DSCAM: variants seen among roughly 807,000 people sequenced by gnomAD.
The protein encoded by DSCAM is cell adhesion molecule DSCAM.
Under a neutral mutation model 217.7 loss-of-function variants are expected in DSCAM, and 47 were observed. The observed-to-expected ratio is 0.22, with a 90% CI of 0.17 to 0.28. The LOEUF is 0.28. Ranked by LOEUF, DSCAM falls within the 10% of genes least tolerant of loss-of-function variation. DSCAM has a pLI of 1.00. For synonymous variants in DSCAM, 1,056 were observed against 1,015.3 expected (o/e 1.04, Z -0.76); for missense variants, 2,080 against 2,618.3 (o/e 0.79, Z 4.49).
At chr21:40,622,100 T>C (rs532815598) in intron 3 of DSCAM, among the ~76,000 whole-genome samples, 2 of 152,314 alleles carry the variant, frequency 1.3e-5, no homozygotes, top group African/African-American at 4.8e-5. Flanking sequence ...ACTCAGTTGA[T>C]GCATTGCTAT....
intron 3 of DSCAM, among the ~76,000 whole-genome samples, chr21:40,501,561 A>G (rs1685311999): frequency 6.6e-6 from 1 of 152,166 alleles, no homozygotes; most frequent in African/African-American, 2.4e-5. Flanking sequence ...TCTCATGAGA[A>G]TAAATTTTTA....
At chr21:40,181,299 C>T (rs577913134) in intron 14 of DSCAM, among the ~76,000 whole-genome samples, 22 of 152,210 alleles carry the variant, frequency 1.4e-4, no homozygotes, top group Non-Finnish European at 2.8e-4. Context: ...CTTCTGTGGC[C>T]CCAAATCTGT....
At chr21:40,693,460 C>T (rs2090562110) in intron 2 of DSCAM, among the ~76,000 whole-genome samples, 2 of 151,872 alleles carry the variant, frequency 1.3e-5, no homozygotes, top group Admixed American at 6.6e-5. Flanking sequence ...AGAGTATAAT[C>T]GAAAATAGTT....
chr21:40,288,269 T>C (rs1268648895), intron 10 of DSCAM, among the ~76,000 whole-genome samples: 1 of 152,148 alleles, frequency 6.6e-6, no homozygotes, highest in Non-Finnish European at 1.5e-5. Flanking sequence ...TTAATGTTCA[T>C]AAAAGAAAAA....
chr21:40,338,550 C>A (rs374649793), intron 7 of DSCAM, among the ~76,000 whole-genome samples, 174 bp from the exon 8 acceptor site: 1 of 152,176 alleles, frequency 6.6e-6, no homozygotes, highest in East Asian at 1.9e-4. Flanking sequence ...TTTTTCTTTC[C>A]TTTTCTTAAA....
chr21:40,816,300 T>G (rs903268527), intron 1 of DSCAM, among the ~76,000 whole-genome samples: 1 of 152,178 alleles, frequency 6.6e-6, no homozygotes, highest in African/African-American at 2.4e-5. Context: ...GGATGCTAGA[T>G]GCCCTTCCTA....
chr21:40,349,759 A>G (rs2074608524), intron 5 of DSCAM, among the ~76,000 whole-genome samples: 1 of 152,224 alleles, frequency 6.6e-6, no homozygotes, highest in Non-Finnish European at 1.5e-5. Flanking sequence ...CTACAGTTAC[A>G]GATTTTTAAA....
At chr21:40,302,219 T>C (rs1390181212) in intron 9 of DSCAM, among the ~76,000 whole-genome samples, 5 of 152,156 alleles carry the variant, frequency 3.3e-5, no homozygotes, top group African/African-American at 1.2e-4. Flanking sequence ...CCAAATCTCA[T>C]CTTGAATTGT....
At chr21:40,401,578 G>A (rs994589574) in intron 3 of DSCAM, among the ~76,000 whole-genome samples, 2 of 152,286 alleles carry the variant, frequency 1.3e-5, no homozygotes, top group Middle Eastern at 3.4e-3. Context: ...AAGTAGTTTT[G>A]ACCTTGCAAA....
intron 14 of DSCAM, among the ~76,000 whole-genome samples, chr21:40,180,442 G>A (rs1568985209): frequency 6.6e-6 from 1 of 152,128 alleles, no homozygotes; most frequent in African/African-American, 2.4e-5. Context: ...ATTAGAGGTG[G>A]AAAAACATGA....
rs115857694 is a variant in DSCAM, at chr21:40,141,186, C to T, written c.3406+1372G>A. Among the ~76,000 whole-genome samples the T allele has an allele frequency of 8.4e-3, 1,287 of 152,312 alleles. 16 individuals are homozygous for T. The highest frequency in any genetic ancestry group is 0.03 in the African/African-American group (1,232 of 41,566). ...GCCACCTGTGGAGCCCTATGTTTAC[C>T]TGCATGGGGACAGGGGTCTGCCTGG... On this transcript the variant is annotated intron_variant, in intron 18 of 32. Coordinates refer to ENST00000400454, the MANE Select transcript of DSCAM (RefSeq NM_001389.5).
chr21:40,233,067 C>T (rs753423248), intron 11 of DSCAM, among the ~76,000 whole-genome samples: 1 of 151,924 alleles, frequency 6.6e-6, no homozygotes, highest in African/African-American at 2.4e-5. Context: ...GAAAAAACAC[C>T]TATTGGGTAT....
At chr21:40,584,789 C>A (rs458216) in intron 3 of DSCAM, among the ~76,000 whole-genome samples, 21,810 of 152,166 alleles carry the variant, frequency 0.14, 1,645 homozygotes, top group African/African-American at 0.17. Flanking sequence ...GATTCTGATG[C>A]TCCACAGATA....
intron 3 of DSCAM, among the ~76,000 whole-genome samples, chr21:40,431,488 G>A (rs1035691023): frequency 3.3e-5 from 5 of 151,952 alleles, no homozygotes; most frequent in Admixed American, 6.5e-5. Flanking sequence ...ATGTGAAGAC[G>A]ATGAAGACGG....
intron 1 of DSCAM, among the ~76,000 whole-genome samples, chr21:40,796,470 A>C (rs2091693050): frequency 6.6e-6 from 1 of 152,252 alleles, no homozygotes; most frequent in African/African-American, 2.4e-5. Context: ...GCACTACACA[A>C]AGCTTAGCAA....
At chr21:40,714,734 T>C (rs938715783) in intron 1 of DSCAM, among the ~76,000 whole-genome samples, 1 of 152,200 alleles carries the variant, frequency 6.6e-6, no homozygotes, top group African/African-American at 2.4e-5. Flanking sequence ...TTCAAACTGA[T>C]GCTGGAATTA....
chr21:40,050,240 G>A (rs573759038), intron 30 of DSCAM, among the ~76,000 whole-genome samples: 1 of 152,334 alleles, frequency 6.6e-6, no homozygotes, highest in East Asian at 1.9e-4. Context: ...TGGAGAACGA[G>A]ACCCAGGGCA....
intron 1 of DSCAM, among the ~76,000 whole-genome samples, chr21:40,747,975 T>C (rs897827408): frequency 3.3e-5 from 5 of 151,870 alleles, no homozygotes; most frequent in South Asian, 2.1e-4. Flanking sequence ...CAAATCCATA[T>C]GATAATTTCA....
chr21:40,204,368 G>A (rs1393100333), intron 11 of DSCAM, among the ~76,000 whole-genome samples: 1 of 152,198 alleles, frequency 6.6e-6, no homozygotes, highest in African/African-American at 2.4e-5. Context: ...AGAGGGCAAT[G>A]GCTCCTAAAG....
Sources: gnomAD v4.1 joint callset for allele counts (sites outside exome capture counted in the v4.1 genomes callset) on GRCh38, gnomAD v4.1.1 for gene constraint, MANE v1.5 for transcripts, NCBI Gene and HGNC (gene_info 2026-07-23, HGNC 2026-07-21) for gene names.